CCDC178: variants seen among roughly 807,000 people sequenced by gnomAD.
The protein encoded by CCDC178 is coiled-coil domain containing 178, also known as coiled-coil domain-containing protein 178.
Under a neutral mutation model 117.4 loss-of-function variants are expected in CCDC178, and 126 were observed. The ratio of observed to expected loss-of-function variants is 1.07; its 90% CI spans 0.93 to 1.24. CCDC178 has a LOEUF of 1.24. CCDC178 is among the 50% of genes most tolerant of loss of function. CCDC178 has a pLI of 0.00. For synonymous variants in CCDC178, 283 were observed against 313.4 expected, an observed-to-expected ratio of 0.90 and a Z score of 1.02; for missense variants, 1,030 against 986.9, an observed-to-expected ratio of 1.04 and a Z score of -0.59.
intron 18 of CCDC178, among the ~76,000 whole-genome samples, chr18:33,217,028 T>C (rs1281206730): frequency 2.0e-5 from 3 of 152,094 alleles, no homozygotes; most frequent in Non-Finnish European, 4.4e-5. Context: ...CAAAGGAATC[T>C]GGTTTTGCAT....
intron 20 of CCDC178, among the ~76,000 whole-genome samples, chr18:33,114,543 C>G (rs2057826846): frequency 6.6e-6 from 1 of 152,010 alleles, no homozygotes; most frequent in Non-Finnish European, 1.5e-5. Flanking sequence ...ACTTATTAAT[C>G]TGTCCCTAAG....
chr18:32,992,742 T>G (rs774665984), intron 21 of CCDC178, among the ~76,000 whole-genome samples: 1 of 152,228 alleles, frequency 6.6e-6, no homozygotes, highest in Non-Finnish European at 1.5e-5. Context: ...CTTTCTACAA[T>G]GTACACATAC....
intron 22 of CCDC178, among the ~76,000 whole-genome samples, chr18:32,970,735 T>C (rs1176402724): frequency 3.3e-5 from 5 of 152,002 alleles, no homozygotes; most frequent in Admixed American, 6.6e-5. Flanking sequence ...CAATACACCC[T>C]AAAATACAAC....
At chr18:33,072,927 A>C (rs1254333670) in intron 21 of CCDC178, among the ~76,000 whole-genome samples, 1 of 152,110 alleles carries the variant, frequency 6.6e-6, no homozygotes. Flanking sequence ...TTTTTAAATA[A>C]TCAAAGCAAA....
At chr18:33,233,512 AC>A (rs2059391353) in intron 15 of CCDC178, among the ~76,000 whole-genome samples, 1 of 152,078 alleles carries the variant, frequency 6.6e-6, no homozygotes, top group Non-Finnish European at 1.5e-5. Context: ...GTTGTTTAGA[AC>A]CCACGCATTT....
chr18:33,136,704 T>C (rs2058131447), intron 20 of CCDC178, among the ~76,000 whole-genome samples: 1 of 152,206 alleles, frequency 6.6e-6, no homozygotes, highest in Admixed American at 6.5e-5. Context: ...AATTTAATTT[T>C]ACATTTTTTA....
At chr18:33,118,885 A>G (rs2144201237) in intron 20 of CCDC178, among the ~76,000 whole-genome samples, 1 of 152,110 alleles carries the variant, frequency 6.6e-6, no homozygotes, top group South Asian at 2.1e-4. Flanking sequence ...GAAATACCAC[A>G]CATCTACAAC....
At chr18:33,024,852 C>T (rs1290814845) in intron 21 of CCDC178, among the ~76,000 whole-genome samples, 7 of 151,288 alleles carry the variant, frequency 4.6e-5, no homozygotes, top group Non-Finnish European at 1.0e-4. Context: ...GGGGTTTCAC[C>T]GTGTTACCCA....
chr18:33,165,451 A>G (rs2058517254), intron 20 of CCDC178, among the ~76,000 whole-genome samples: 1 of 152,198 alleles, frequency 6.6e-6, no homozygotes, highest in African/African-American at 2.4e-5. Context: ...ATGCCATTGT[A>G]TGTTGGGAAC....
intron 14 of CCDC178, among the ~76,000 whole-genome samples, chr18:33,260,393 TTC>T (rs1293084222): frequency 6.6e-6 from 1 of 151,702 alleles, no homozygotes; most frequent in East Asian, 1.9e-4. Flanking sequence ...TTCTGCAGAT[TTC>T]TGTTTGATTA....
At chr18:33,211,195 T>C (rs1458314186) in intron 20 of CCDC178, among the ~76,000 whole-genome samples, 4 of 151,746 alleles carry the variant, frequency 2.6e-5, no homozygotes, top group African/African-American at 7.2e-5. Flanking sequence ...CTACGGAAAA[T>C]ATTTTTGCTT....
At chr18:32,965,254 A>G (rs1433258948) in intron 22 of CCDC178, among the ~76,000 whole-genome samples, 1 of 151,942 alleles carries the variant, frequency 6.6e-6, no homozygotes, top group Non-Finnish European at 1.5e-5. Flanking sequence ...TTCTAGACCT[A>G]TTTCTGCAGA....
intron 20 of CCDC178, among the ~76,000 whole-genome samples, chr18:33,155,865 G>A (rs2058387716): frequency 3.3e-5 from 5 of 151,976 alleles, no homozygotes; most frequent in Admixed American, 3.3e-4. Context: ...GGTATTTCAT[G>A]GTGGTTAAAT....
At chr18:32,944,217 C>T (rs2054297718) in intron 22 of CCDC178, among the ~76,000 whole-genome samples, 1 of 152,098 alleles carries the variant, frequency 6.6e-6, no homozygotes, top group Admixed American at 6.6e-5. Flanking sequence ...AGAGAAATAC[C>T]ACTTCTGGCT....
At chr18:32,980,727 T>C (rs1462775511) in intron 21 of CCDC178, among the ~76,000 whole-genome samples, 3 of 152,118 alleles carry the variant, frequency 2.0e-5, no homozygotes, top group Non-Finnish European at 2.9e-5. Flanking sequence ...ACTTTAATAG[T>C]AGGATATGAA....
At chr18:33,054,602 C>A (rs1448816703) in intron 21 of CCDC178, among the ~76,000 whole-genome samples, 1 of 152,212 alleles carries the variant, frequency 6.6e-6, no homozygotes, top group African/African-American at 2.4e-5. Flanking sequence ...GACATGATCT[C>A]ATTCCTTTTT....
At chr18:32,964,073 A>G (rs1230326950) in intron 22 of CCDC178, among the ~76,000 whole-genome samples, 1 of 152,010 alleles carries the variant, frequency 6.6e-6, no homozygotes, top group Non-Finnish European at 1.5e-5. Context: ...GGAGAATAAT[A>G]ACATAATCAT....
chr18:33,049,055 A>G (rs1172458360), intron 21 of CCDC178, among the ~76,000 whole-genome samples: 1 of 152,148 alleles, frequency 6.6e-6, no homozygotes, highest in African/African-American at 2.4e-5. Context: ...GATTAAGTAT[A>G]CCTTACCACA....
chr18:33,010,108 G>A (rs914615657), intron 21 of CCDC178, among the ~76,000 whole-genome samples: 6 of 152,140 alleles, frequency 3.9e-5, no homozygotes, highest in Non-Finnish European at 8.8e-5. Context: ...TCTAATGAGA[G>A]TACAATGGCA....
Sources: allele counts gnomAD v4.1 joint callset (sites outside exome capture counted in the v4.1 genomes callset), GRCh38; gene constraint gnomAD v4.1.1; transcripts MANE v1.5; gene names NCBI Gene and HGNC (gene_info 2026-07-23, HGNC 2026-07-21).